The following UBE3D variants were observed in gnomAD, a reference collection of about 807,000 sequenced individuals.
UBE3D encodes ubiquitin protein ligase E3D.
A neutral mutation model predicts 49.6 loss-of-function variants in UBE3D; 48 were observed. The ratio of observed to expected loss-of-function variants is 0.97; its 90% CI spans 0.77 to 1.23. The LOEUF (loss-of-function observed/expected upper bound fraction) is 1.23, where lower values mean the gene tolerates loss of function less well. UBE3D is among the 50% of genes most tolerant of loss of function. UBE3D has a pLI of 0.00. For synonymous variants in UBE3D, 189 were observed against 174.2 expected (o/e 1.08, Z -0.67); for missense variants, 452 against 468.4 (o/e 0.96, Z 0.32).
At chr6:82,932,078 G>A (rs1315929534) in intron 9 of UBE3D, among the ~76,000 whole-genome samples, 1 of 152,120 alleles carries the variant, frequency 6.6e-6, no homozygotes, top group African/African-American at 2.4e-5. Context: ...CTGTCACCAT[G>A]TGACATGTGT....
At chr6:82,917,021 C>T (rs1051843510) in intron 9 of UBE3D, among the ~76,000 whole-genome samples, 1 of 152,086 alleles carries the variant, frequency 6.6e-6, no homozygotes, top group Non-Finnish European at 1.5e-5. Context: ...CTTAAAAAAA[C>T]CAAAGGAAAA....
At chr6:83,024,740 TA>T in intron 5 of UBE3D, among the ~76,000 whole-genome samples, 1 of 152,282 alleles carries the variant, frequency 6.6e-6, no homozygotes, top group East Asian at 1.9e-4. Context: ...CAGCAGTCCC[TA>T]AAAGGTGTGA....
At chr6:82,997,004 T>C (rs1329697586) in intron 8 of UBE3D, among the ~76,000 whole-genome samples, 1 of 148,846 alleles carries the variant, frequency 6.7e-6, no homozygotes, top group Non-Finnish European at 1.5e-5. Flanking sequence ...ATGATAATAT[T>C]ATCATCTTAC....
At chr6:82,944,376 G>C (rs1292686015) in intron 9 of UBE3D, among the ~76,000 whole-genome samples, 2 of 152,206 alleles carry the variant, frequency 1.3e-5, no homozygotes, top group African/African-American at 4.8e-5. Context: ...GGAATCTGTT[G>C]CCATAAAGGG....
At chr6:82,912,360 T>G (rs1772591059) in intron 9 of UBE3D, among the ~76,000 whole-genome samples, 1 of 152,178 alleles carries the variant, frequency 6.6e-6, no homozygotes, top group Admixed American at 6.5e-5. Flanking sequence ...GAAGGCCAAT[T>G]TTACAATGAG....
intron 9 of UBE3D, among the ~76,000 whole-genome samples, chr6:82,904,656 G>A (rs1316503354): frequency 6.6e-6 from 1 of 152,192 alleles, no homozygotes; most frequent in African/African-American, 2.4e-5. Flanking sequence ...AAATATTGCT[G>A]CAGATGCATC....
intron 9 of UBE3D, among the ~76,000 whole-genome samples, chr6:82,918,106 G>A (rs1483649085): frequency 6.6e-6 from 1 of 152,054 alleles, no homozygotes; most frequent in Non-Finnish European, 1.5e-5. Flanking sequence ...AAGGACTCAT[G>A]TACTTTCTGG....
intron 9 of UBE3D, among the ~76,000 whole-genome samples, chr6:82,955,777 G>A (rs1395593200): frequency 1.3e-5 from 2 of 152,176 alleles, no homozygotes; most frequent in African/African-American, 4.8e-5. Flanking sequence ...GGTGGCAGAT[G>A]GAGTAATCCT....
intron 9 of UBE3D, among the ~76,000 whole-genome samples, chr6:82,953,724 C>T (rs552053933): frequency 1.3e-5 from 2 of 152,310 alleles, no homozygotes; most frequent in South Asian, 4.1e-4. Context: ...CAGACATTCC[C>T]CCATTCATTC....
In UBE3D at chr6:83,008,289, C is replaced by A. The variant is rs528832055; in HGVS notation, c.1010+10684G>T. On this transcript the variant is annotated intron_variant, in intron 8 of 9. Coordinates refer to ENST00000369747, the MANE Select transcript of UBE3D (RefSeq NM_198920.3). Reference sequence around the variant, plus strand: ...AATTACTCCCAGTCTACACATGAGGCCACAGGTGAACTGATGAATTGGCAG... The same window carrying A: ...AATTACTCCCAGTCTACACATGAGGACACAGGTGAACTGATGAATTGGCAG... Among the ~76,000 whole-genome samples, 4 of 152,230 alleles carry A rather than the reference C, an allele frequency of 2.6e-5. No homozygotes were observed. The East Asian group carries it at 7.7e-4, about 29-fold the overall frequency.
At chr6:82,924,204 A>T (rs1048008456) in intron 9 of UBE3D, among the ~76,000 whole-genome samples, 1 of 152,134 alleles carries the variant, frequency 6.6e-6, no homozygotes, top group Non-Finnish European at 1.5e-5. Context: ...ACATAATAAT[A>T]AAAAGAAAAA....
At chr6:83,053,543 T>A (rs974363765) in intron 3 of UBE3D, among the ~76,000 whole-genome samples, 4 of 152,142 alleles carry the variant, frequency 2.6e-5, no homozygotes, top group Middle Eastern at 3.4e-3. Flanking sequence ...TAAAAAGCCT[T>A]AGGGACTGTA....
intron 7 of UBE3D, among the ~76,000 whole-genome samples, chr6:83,021,274 T>G (rs112165079): frequency 6.6e-6 from 1 of 151,960 alleles, no homozygotes; most frequent in Non-Finnish European, 1.5e-5. Context: ...GACCTCGTCT[T>G]CACAAAAAAT....
rs1449973092 is a variant in UBE3D at position 82,909,252 on chromosome 6, T to C, written c.1150-16210A>G. ...AACTAGTAGTTTAGGGTACCGGTAC[T>C]ATTAACTCTGATGTTTGCAGAAAAC... On this transcript the variant is annotated intron_variant, in intron 9 of 9. Coordinates refer to ENST00000369747, the MANE Select transcript of UBE3D (RefSeq NM_198920.3). Among the ~76,000 whole-genome samples, 4 of 152,204 alleles carry C rather than the reference T, an allele frequency of 2.6e-5. No individual in the cohort carries two copies. The East Asian group carries it at 7.7e-4, about 29-fold the overall frequency.
intron 9 of UBE3D, among the ~76,000 whole-genome samples, chr6:82,893,749 G>A (rs1165537886): frequency 6.6e-6 from 1 of 152,180 alleles, no homozygotes; most frequent in Non-Finnish European, 1.5e-5. Flanking sequence ...GGCTTGGGAA[G>A]CTCGTATTAG....
chr6:82,904,148 C>A (rs555621641), intron 9 of UBE3D, among the ~76,000 whole-genome samples: 102 of 152,164 alleles, frequency 6.7e-4, no homozygotes, highest in African/African-American at 2.1e-3. Context: ...TACAGTAAGT[C>A]CCCAGTTAAT....
chr6:83,036,515 A>C (rs1782268638), intron 5 of UBE3D: 1 of 151,590 alleles, frequency 6.6e-6, no homozygotes, highest in African/African-American at 2.4e-5. Flanking sequence ...CTTCTGCTGT[A>C]TACATAATGT....
intron 9 of UBE3D, among the ~76,000 whole-genome samples, chr6:82,942,701 C>T (rs1775101676): frequency 1.3e-5 from 2 of 152,154 alleles, no homozygotes; most frequent in African/African-American, 4.8e-5. Flanking sequence ...GCACAGTTGT[C>T]AAGAATTGAA....
chr6:82,956,987 G>C (rs1340280549), intron 9 of UBE3D, among the ~76,000 whole-genome samples: 1 of 152,020 alleles, frequency 6.6e-6, no homozygotes, highest in Non-Finnish European at 1.5e-5. Context: ...AATTTAGCCA[G>C]GTGTGGTGGC....
Sources: allele counts gnomAD v4.1 joint callset (sites outside exome capture counted in the v4.1 genomes callset), GRCh38; gene constraint gnomAD v4.1.1; transcripts MANE v1.5; gene names NCBI Gene and HGNC (gene_info 2026-07-23, HGNC 2026-07-21).